Variants in SPATA18 observed in about 807,000 individuals in gnomAD.
SPATA18 encodes the protein mitochondria-eating protein.
A neutral mutation model predicts 68.1 loss-of-function variants in SPATA18; 54 were observed. That is an observed-to-expected ratio of 0.79 (90% CI 0.64 to 0.99). The LOEUF (loss-of-function observed/expected upper bound fraction) is 0.99, where lower values mean the gene tolerates loss of function less well. Among genes scored for constraint, SPATA18 ranks in the 50% least tolerant of loss-of-function variants. SPATA18 has a pLI of 0.00. For synonymous variants in SPATA18, 242 were observed against 244.8 expected (o/e 0.99, Z 0.11); for missense variants, 724 against 681.1 (o/e 1.06, Z -0.70).
chr4:52,089,099 G>T (rs1323914835), intron 11 of SPATA18, among the ~76,000 whole-genome samples: 1 of 152,136 alleles, frequency 6.6e-6, no homozygotes, highest in Non-Finnish European at 1.5e-5. Context: ...TCTGATGGTA[G>T]TTTGTATTTC....
intron 11 of SPATA18, among the ~76,000 whole-genome samples, chr4:52,086,964 G>A (rs1741488878): frequency 6.6e-6 from 1 of 152,152 alleles, no homozygotes; most frequent in African/African-American, 2.4e-5. Context: ...CATTCTAACT[G>A]GTGTGAGATG....
chr4:52,087,952 G>A (rs1741580811), intron 11 of SPATA18, among the ~76,000 whole-genome samples: 1 of 152,178 alleles, frequency 6.6e-6, no homozygotes, highest in Admixed American at 6.5e-5. Flanking sequence ...TCCTTGAGCA[G>A]TGGGTTTGTC....
In SPATA18 at chr4:52,087,488, C is replaced by A. The variant is rs535250920; in HGVS notation, c.1563+2489C>A. Among the ~76,000 whole-genome samples, 7 of 152,288 alleles carry A rather than the reference C, an allele frequency of 4.6e-5. No homozygotes were observed. In the East Asian group the frequency reaches 1.4e-3, roughly 29 times the overall value. ...CCAGTTTCAGTTTTCTGCATTATGGCTAGCCAGTTTTCACAACACCATTTA... is the reference window on the plus strand; with the variant it reads ...CCAGTTTCAGTTTTCTGCATTATGGATAGCCAGTTTTCACAACACCATTTA... On this transcript the variant is annotated intron_variant, in intron 11 of 12. Coordinates refer to ENST00000295213, the MANE Select transcript of SPATA18 (RefSeq NM_145263.4).
chr4:52,072,035 T>C lies in SPATA18; in HGVS notation c.637T>C (p.Ser213Pro). ...LEERKREQWN[S>P]LKQNADQQDT... ...GGAGCGGAAGCGTGAGCAGTGGAAC[T>C]CACTCAAGCAGAATGCAGACCAGCA... The change falls in exon 6 of 13, where the codon TCA becomes CCA. Residue 213 changes from serine to proline, a missense_variant. Transcript: ENST00000295213. 1 of 1,613,808 alleles carries C rather than the reference T, an allele frequency of 6.2e-7. No homozygotes were observed. Among genetic ancestry groups the C allele is most frequent in the Non-Finnish European group, 8.5e-7 (1 of 1,179,996 alleles).
At chr4:52,077,101 G>T in intron 7 of SPATA18, 61 bp downstream of exon 7, 1 of 1,505,200 alleles carries the variant, frequency 6.6e-7, no homozygotes, top group South Asian at 1.3e-5. Context: ...GTTCTGTAAC[G>T]TGAATGGAAC....
intron 9 of SPATA18, 98 bp from the exon 10 acceptor site, chr4:52,082,289 T>G: frequency 2.6e-6 from 3 of 1,158,884 alleles, no homozygotes; most frequent in Non-Finnish European, 3.8e-6. Flanking sequence ...TACTCAGATC[T>G]GAGCATAATA....
At chr4:52,054,042 G>A (rs1052266423) in intron 1 of SPATA18, among the ~76,000 whole-genome samples, 15 of 152,098 alleles carry the variant, frequency 9.9e-5, no homozygotes, top group Non-Finnish European at 1.2e-4. Flanking sequence ...TTTCTTGCTC[G>A]TCCTAGAGCA....
chr4:52,086,083 A>G (rs2109518028), intron 11 of SPATA18, among the ~76,000 whole-genome samples: 1 of 152,312 alleles, frequency 6.6e-6, no homozygotes, highest in South Asian at 2.1e-4. Context: ...TTATTTAAAT[A>G]TTTGTCCAAC....
In SPATA18 at chr4:52,069,870, A is replaced by G; in HGVS notation, c.472A>G (p.Ile158Val). 6.3e-7 allele frequency: 1 copy of G among 1,599,600 alleles called. No homozygotes were observed. Among genetic ancestry groups the G allele is most frequent in the Non-Finnish European group, 8.5e-7 (1 of 1,170,946 alleles). The change falls in exon 5 of 13, where the codon ATA (isoleucine) becomes GTA (valine). Residue 158 changes from isoleucine to valine, a missense_variant. Coordinates refer to ENST00000295213, the MANE Select transcript of SPATA18 (RefSeq NM_145263.4). ...NLEESKNRSA[I>V]SLLAAEEEIN... ...TGAAGAAAGCAAGAACAGATCGGCC[A>G]TATCCCTTTTGGCTGCAGAGGAGGA...
intron 4 of SPATA18, 38 bp downstream of exon 4, chr4:52,062,370 T>C: frequency 1.4e-6 from 2 of 1,394,878 alleles, no homozygotes; most frequent in Non-Finnish European, 2.0e-6. Flanking sequence ...CAAAAAGAAT[T>C]GTTTTCAATT....
At position 52,060,853 on chromosome 4, in the gene SPATA18, G is replaced by A; in HGVS notation, c.265G>A (p.Ala89Thr). 6.2e-7 allele frequency: 1 copy of A among 1,613,980 alleles called. No homozygotes were observed. Among genetic ancestry groups the A allele is most frequent in the African/African-American group, 1.3e-5 (1 of 75,032 alleles). ...TTGGCTGGAGGCTTCCTTTACTGCT[G>A]CTTCCCTGGGAAAATCTGTTGACAG... is the stretch of plus-strand genomic sequence containing the variant. ...LPWLEASFTA[A>T]SLGKSVDSKV... The change falls in exon 3 of 13, where the codon GCT (alanine) becomes ACT (threonine). Residue 89 changes from alanine to threonine, a missense_variant. Physicochemically the swap from Ala to Thr is moderately conservative, Grantham distance 58. Transcript: ENST00000295213.
At chr4:52,072,216 G>T (rs115784407) in intron 6 of SPATA18, 60 bp downstream of exon 6, 19,502 of 1,576,342 alleles carry the variant, frequency 0.012, 136 homozygotes, top group Non-Finnish European at 0.015. Flanking sequence ...TAAGGGATCG[G>T]GGAGGAGGAA....
Position 52,093,951 on chromosome 4 carries a change from T to C in SPATA18, c.1564-576T>C, listed in dbSNP as rs376566965. ...TTGGTTAGTTGGGTTTATTTTTGCC[T>C]ATGTGGGGGTCTTGATTCATCCAGA... On this transcript the variant is annotated intron_variant, in intron 11 of 12. Coordinates refer to ENST00000295213, the MANE Select transcript of SPATA18 (RefSeq NM_145263.4). 9.8e-5 allele frequency among the ~76,000 whole-genome samples: 15 copies of C among 152,324 alleles called. 1 individual carries two copies. The East Asian group carries it at 2.5e-3, about 25-fold the overall frequency.
intron 11 of SPATA18, among the ~76,000 whole-genome samples, chr4:52,088,778 A>C (rs909915737): frequency 6.6e-6 from 1 of 152,226 alleles, no homozygotes; most frequent in Non-Finnish European, 1.5e-5. Context: ...TTTTGGTGTC[A>C]GGATGATGCT....
chr4:52,082,210 C>G (rs1189061233), intron 9 of SPATA18, among the ~76,000 whole-genome samples, 177 bp from the exon 10 acceptor site: 1 of 152,222 alleles, frequency 6.6e-6, no homozygotes, highest in East Asian at 1.9e-4. Context: ...CGTGCTGGGT[C>G]CCAGTTATCA....
chr4:52,060,917 A>G lies in SPATA18; in HGVS notation c.309+20A>G. On this transcript the variant is annotated intron_variant, in intron 3 of 12. Transcript: ENST00000295213. Reference sequence around the variant, plus strand: ...CTGCAGGTAGGGATGCTGAAGGATAACCCTTGACTTTCTGAACAGTGAGAT... The same window carrying G: ...CTGCAGGTAGGGATGCTGAAGGATAGCCCTTGACTTTCTGAACAGTGAGAT... 6.3e-7 allele frequency: 1 copy of G among 1,585,928 alleles called. No homozygotes were observed. Among genetic ancestry groups the G allele is most frequent in the Non-Finnish European group, 8.7e-7 (1 of 1,155,412 alleles).
intron 11 of SPATA18, among the ~76,000 whole-genome samples, chr4:52,090,151 C>A (rs940391055): frequency 2.0e-5 from 3 of 152,120 alleles, no homozygotes; most frequent in Non-Finnish European, 4.4e-5. Flanking sequence ...TCTCCCATCC[C>A]TTTATTTTGA....
intron 1 of SPATA18, among the ~76,000 whole-genome samples, chr4:52,053,424 G>T (rs1578139473): frequency 6.6e-6 from 1 of 152,040 alleles, no homozygotes; most frequent in African/African-American, 2.4e-5. Flanking sequence ...GAGTTTGCAG[G>T]CATCATTATC....
In SPATA18 at chr4:52,078,633, G is replaced by A. The variant is rs1418380983; in HGVS notation, c.1021-102G>A. 6.7e-6 allele frequency: 7 copies of A among 1,052,196 alleles called. No individual in the cohort carries two copies. The East Asian group carries it at 1.2e-4, about 19-fold the overall frequency. 65.2% of individuals were successfully genotyped at this position (1,052,196 alleles called of 1,614,324 possible). A position where few individuals can be genotyped will look rare whatever the true frequency, so the allele number is the denominator to read the frequency against. On this transcript the variant is annotated intron_variant, in intron 7 of 12. Coordinates refer to ENST00000295213, the MANE Select transcript of SPATA18 (RefSeq NM_145263.4). ...GATCAACTGTGTTTAGTTATCAGAA[G>A]ACCAATATGATGTTGAAGCTCGGAT...
Sources: gnomAD v4.1 joint callset for allele counts (sites outside exome capture counted in the v4.1 genomes callset) on GRCh38, gnomAD v4.1.1 for gene constraint, MANE v1.5 for transcripts, NCBI Gene and HGNC (gene_info 2026-07-23, HGNC 2026-07-21) for gene names.